Variants in LCOR observed in about 807,000 individuals in gnomAD.
The protein encoded by LCOR is ligand-dependent corepressor.
A neutral mutation model predicts 64.4 loss-of-function variants in LCOR; 14 were observed. The observed-to-expected ratio is 0.22, with a 90% CI of 0.14 to 0.34. The LOEUF is 0.34. Among genes scored for constraint, LCOR ranks in the 10% least tolerant of loss-of-function variants. The pLI is 1.00. For synonymous variants in LCOR, 643 were observed against 642.5 expected (o/e 1.00, Z -0.01); for missense variants, 1,686 against 1,765.3 (o/e 0.96, Z 0.80).
rs1346630986 is a variant in LCOR at position 96,984,354 on chromosome 10, A to G, written c.3894A>G (p.Pro1298=). The change falls in exon 8 of 8, where the codon CCA becomes CCG. Residue 1298 remains proline, a synonymous_variant. Transcript: ENST00000421806. ...AGGAAGATAGAAACAGTCATCCTCC[A>G]GCAAACCTGCCCACTCCAGCCAGTA... ...EVKEDRNSHP[P]ANLPTPASTR... 2 of 1,614,198 alleles carry G rather than the reference A, an allele frequency of 1.2e-6. No homozygotes were observed. The highest frequency in any genetic ancestry group is 8.5e-7 in the Non-Finnish European group (1 of 1,180,048).
In LCOR at chr10:96,982,789, G is replaced by A; in HGVS notation, c.2329G>A (p.Asp777Asn). 1 of 1,614,032 alleles carries A rather than the reference G, an allele frequency of 6.2e-7. No individual in the cohort carries two copies. Among genetic ancestry groups the A allele is most frequent in the Non-Finnish European group, 8.5e-7 (1 of 1,179,968 alleles). The change falls in exon 8 of 8, where the codon GAC becomes AAC. Residue 777 changes from aspartate to asparagine, a missense_variant. Transcript: ENST00000421806. ...TGGTATAGGAAAATTAGAGGGAGAG[G>A]ACGGTGATGTAAAATGCCTGTCAGA... The part of the protein sequence containing the change: ...AGGIGKLEGE[D>N]GDVKCLSEKD...
At chr10:96,836,483 G>A (rs1326864392) in intron 2 of LCOR, among the ~76,000 whole-genome samples, 3 of 152,272 alleles carry the variant, frequency 2.0e-5, no homozygotes, top group East Asian at 3.9e-4. Flanking sequence ...ATTTAAACAA[G>A]CATCTGTTTT....
chr10:96,957,162 T>C, intron 7 of LCOR: 13 of 984,866 alleles, frequency 1.3e-5, no homozygotes, highest in Non-Finnish European at 1.6e-5. Flanking sequence ...GGGAGAGGTG[T>C]TGGGTTTTTT....
At chr10:96,868,979 T>G (rs1846024850) in intron 2 of LCOR, among the ~76,000 whole-genome samples, 1 of 152,072 alleles carries the variant, frequency 6.6e-6, no homozygotes, top group Non-Finnish European at 1.5e-5. Context: ...AATCTTGGCT[T>G]ACTGCATCCT....
intron 6 of LCOR, 118 bp from the exon 7 acceptor site, chr10:96,951,985 A>G: frequency 1.6e-6 from 1 of 642,134 alleles, no homozygotes; most frequent in Non-Finnish European, 2.8e-6. Context: ...CAAATATATG[A>G]CTAGCATATC....
chr10:96,938,903 A>T (rs1847399350), intron 4 of LCOR, among the ~76,000 whole-genome samples: 1 of 152,246 alleles, frequency 6.6e-6, no homozygotes, highest in Non-Finnish European at 1.5e-5. Flanking sequence ...ATGGATCAGA[A>T]GACTTAAAAT....
intron 2 of LCOR, among the ~76,000 whole-genome samples, chr10:96,864,675 G>C (rs1351322029): frequency 6.6e-6 from 1 of 152,218 alleles, no homozygotes; most frequent in African/African-American, 2.4e-5. Flanking sequence ...ATATATGACA[G>C]TAATCTTGTA....
At chr10:96,957,724 C>T (rs1019705755) in intron 7 of LCOR, 1 of 985,278 alleles carries the variant, frequency 1.0e-6, no homozygotes, top group Non-Finnish European at 1.2e-6. Flanking sequence ...AGTTTTCCCT[C>T]AGCAACCTGT....
chr10:96,919,120 A>G (rs1489569990), intron 4 of LCOR, among the ~76,000 whole-genome samples: 1 of 152,234 alleles, frequency 6.6e-6, no homozygotes, highest in Non-Finnish European at 1.5e-5. Flanking sequence ...TTTCAACTGT[A>G]AAATTATATG....
At chr10:96,835,201 C>T (rs1845422183) in intron 2 of LCOR, among the ~76,000 whole-genome samples, 2 of 152,032 alleles carry the variant, frequency 1.3e-5, no homozygotes, top group African/African-American at 2.4e-5. Context: ...TGTGCCCGGC[C>T]GTGTTTTTGG....
chr10:96,868,278 C>CT (rs528398644), intron 2 of LCOR, among the ~76,000 whole-genome samples: 9,241 of 136,572 alleles, frequency 0.068, 924 homozygotes, highest in African/African-American at 0.22. Context: ...CTTTTCTTTT[C>CT]TTTTTTTTTT....
intron 7 of LCOR, among the ~76,000 whole-genome samples, chr10:96,973,286 T>C (rs1203230541): frequency 6.6e-6 from 1 of 152,214 alleles, no homozygotes; most frequent in Non-Finnish European, 1.5e-5. Flanking sequence ...TCAGGGGTTT[T>C]AAAGTACACC....
chr10:96,935,139 CTTTTTTTTTTT>C (rs34176037), intron 4 of LCOR, among the ~76,000 whole-genome samples: 6 of 65,556 alleles, frequency 9.2e-5, no homozygotes, highest in Middle Eastern at 0.029. Context: ...GGCTATTTTA[CTTTTTTTTTTT>C]TTTTTTTTTT....
chr10:96,963,788 T>C (rs763013662), intron 7 of LCOR: 3 of 152,240 alleles, frequency 2.0e-5, no homozygotes, highest in East Asian at 1.9e-4. Context: ...GTTAACAAAA[T>C]AGATTATTTC....
chr10:96,890,581 A>G (rs1383169626), intron 2 of LCOR, among the ~76,000 whole-genome samples: 1 of 152,164 alleles, frequency 6.6e-6, no homozygotes, highest in Admixed American at 6.5e-5. Flanking sequence ...CACCCTTGCT[A>G]GAACTTCTAG....
chr10:96,837,814 G>A (rs947636694), intron 2 of LCOR, among the ~76,000 whole-genome samples: 11 of 152,200 alleles, frequency 7.2e-5, no homozygotes, highest in African/African-American at 2.7e-4. Context: ...CTGGCTTGCA[G>A]TCTAGCTCGG....
intron 7 of LCOR, among the ~76,000 whole-genome samples, chr10:96,978,429 G>A (rs569600852): frequency 1.5e-4 from 23 of 152,256 alleles, no homozygotes; most frequent in Admixed American, 9.8e-4. Context: ...AGCTGCTTTC[G>A]TCTTTTCTTT....
At chr10:96,882,182 G>A (rs1007177830) in intron 2 of LCOR, among the ~76,000 whole-genome samples, 1 of 152,220 alleles carries the variant, frequency 6.6e-6, no homozygotes, top group African/African-American at 2.4e-5. Context: ...GTGGGAAAAG[G>A]GGCATTGCTT....
intron 2 of LCOR, among the ~76,000 whole-genome samples, chr10:96,839,928 C>T (rs1845510820): frequency 6.6e-6 from 1 of 152,326 alleles, no homozygotes; most frequent in East Asian, 1.9e-4. Context: ...CGTTCCGCCT[C>T]TCTTGGCCTC....
Sources: gnomAD v4.1 joint callset for allele counts (sites outside exome capture counted in the v4.1 genomes callset) on GRCh38, gnomAD v4.1.1 for gene constraint, MANE v1.5 for transcripts, NCBI Gene and HGNC (gene_info 2026-07-23, HGNC 2026-07-21) for gene names.